Variants in DLG2 observed in about 807,000 individuals in gnomAD.
The protein encoded by DLG2 is disks large homolog 2.
Under a neutral mutation model 132.5 loss-of-function variants are expected in DLG2, and 45 were observed. That is an observed-to-expected ratio of 0.34 (90% confidence interval 0.27 to 0.44). The LOEUF is 0.44. Among genes scored for constraint, DLG2 ranks in the 20% least tolerant of loss-of-function variants. DLG2 has a pLI of 1.00. For missense variants in DLG2, 1,045 were observed against 1,196.9 expected, an observed-to-expected ratio of 0.87 and a Z score of 1.87; for synonymous variants, 424 against 419.6, an observed-to-expected ratio of 1.01 and a Z score of -0.13.
At chr11:84,815,525 T>C (rs1471136367) in intron 6 of DLG2, among the ~76,000 whole-genome samples, 4 of 151,988 alleles carry the variant, frequency 2.6e-5, no homozygotes. Flanking sequence ...AGTAGGTAAA[T>C]CAATATTATT....
chr11:85,465,416 T>A (rs2092755577), intron 3 of DLG2, among the ~76,000 whole-genome samples: 1 of 152,090 alleles, frequency 6.6e-6, no homozygotes, highest in South Asian at 2.1e-4. Flanking sequence ...TAACTCGTCA[T>A]TTAACATTAG....
At chr11:84,306,490 C>T (rs531959467) in intron 7 of DLG2, among the ~76,000 whole-genome samples, 27 of 152,138 alleles carry the variant, frequency 1.8e-4, no homozygotes, top group Non-Finnish European at 3.4e-4. Flanking sequence ...GCTAACAGAA[C>T]AAAGTGTAAT....
intron 6 of DLG2, chr11:84,640,614 A>AT (rs2099657914): frequency 4.0e-5 from 10 of 248,046 alleles, no homozygotes; most frequent in Admixed American, 1.5e-4. Flanking sequence ...ATGATTCCTA[A>AT]GACCTATTTG....
At chr11:84,238,138 G>A (rs1323818518) in intron 8 of DLG2, among the ~76,000 whole-genome samples, 1 of 151,572 alleles carries the variant, frequency 6.6e-6, no homozygotes, top group Non-Finnish European at 1.5e-5. Context: ...CAAGGTAGCT[G>A]TCTGATTTCA....
At chr11:83,787,322 TG>T (rs556178810) in intron 17 of DLG2, among the ~76,000 whole-genome samples, 2,924 of 94,918 alleles carry the variant, frequency 0.031, 683 homozygotes, top group African/African-American at 0.14. Context: ...GTTTTTTTTT[TG>T]TTTTTTTTTT....
chr11:85,146,307 C>T (rs567687921), intron 5 of DLG2, among the ~76,000 whole-genome samples: 1 of 151,598 alleles, frequency 6.6e-6, no homozygotes, highest in African/African-American at 2.4e-5. Context: ...CAAGCACTCC[C>T]AAAGCTATCA....
rs139160449 is a variant in DLG2, at chr11:84,304,339, A to C, written c.520-53048T>G. ...AGGAAACTAACCGCGATGTAAGGCA[A>C]TACTCTAATTTTGCAGGATCGCATG... On this transcript the variant is annotated intron_variant, in intron 7 of 27. Coordinates refer to ENST00000376104, the MANE Select transcript of DLG2 (RefSeq NM_001142699.3). 6.6e-3 allele frequency among the ~76,000 whole-genome samples: 1,011 copies of C among 152,330 alleles called. 12 individuals are homozygous for C. Among genetic ancestry groups the C allele is most frequent in the African/African-American group, 0.023 (968 of 41,568 alleles).
chr11:84,161,051 A>G (rs2154260544), intron 9 of DLG2, among the ~76,000 whole-genome samples: 1 of 152,324 alleles, frequency 6.6e-6, no homozygotes, highest in Non-Finnish European at 1.5e-5. Flanking sequence ...AGTTCACTTA[A>G]AATCAATGGT....
chr11:84,201,028 T>A (rs1208191886), intron 8 of DLG2, among the ~76,000 whole-genome samples: 2 of 152,192 alleles, frequency 1.3e-5, no homozygotes, highest in Non-Finnish European at 2.9e-5. Flanking sequence ...TGTGCCTGTT[T>A]TCAATAGGAA....
intron 4 of DLG2, among the ~76,000 whole-genome samples, chr11:85,162,245 G>A (rs141081075): frequency 2.0e-5 from 3 of 152,272 alleles, no homozygotes; most frequent in African/African-American, 7.2e-5. Context: ...ATCCATTAGG[G>A]CCTCTCTTAG....
intron 8 of DLG2, among the ~76,000 whole-genome samples, chr11:84,246,876 A>ATT (rs993452753): frequency 6.6e-6 from 1 of 151,354 alleles, no homozygotes; most frequent in Non-Finnish European, 1.5e-5. Flanking sequence ...ATTGCCGCTG[A>ATT]TTTTTTTTTG....
At chr11:85,430,452 A>G (rs1308743746) in intron 3 of DLG2, among the ~76,000 whole-genome samples, 3 of 152,208 alleles carry the variant, frequency 2.0e-5, no homozygotes, top group African/African-American at 4.8e-5. Flanking sequence ...TAATTATCCT[A>G]TAATAGCAGT....
intron 7 of DLG2, among the ~76,000 whole-genome samples, chr11:84,381,049 A>G (rs182318971): frequency 2.0e-5 from 3 of 152,118 alleles, no homozygotes; most frequent in Admixed American, 1.3e-4. Flanking sequence ...AGGGAGACAT[A>G]TCAAGATAGG....
rs2092355990 is a variant in DLG2 at position 85,454,530 on chromosome 11, G to A, written c.40+144127C>T. On this transcript the variant is annotated intron_variant, in intron 3 of 27. Transcript: ENST00000376104. ...TCTCGTGCTGTGCAAAAGCTGTTTA[G>A]TTTAATTAGATCCAATTTATCAATT... is the stretch of plus-strand genomic sequence containing the variant. Among the ~76,000 whole-genome samples the A allele has an allele frequency of 3.3e-5, 5 of 151,996 alleles. No homozygotes were observed. The South Asian group carries it at 1.0e-3, about 32-fold the overall frequency.
At chr11:85,047,936 T>C (rs2062509384) in intron 6 of DLG2, among the ~76,000 whole-genome samples, 1 of 151,878 alleles carries the variant, frequency 6.6e-6, no homozygotes, top group Non-Finnish European at 1.5e-5. Flanking sequence ...GAGTTTTACC[T>C]GTTATCTCCA....
intron 6 of DLG2, among the ~76,000 whole-genome samples, chr11:84,851,691 T>C (rs905931872): frequency 6.6e-6 from 1 of 152,010 alleles, no homozygotes; most frequent in Non-Finnish European, 1.5e-5. Flanking sequence ...AAAGTCTCAT[T>C]TGGTGTGAGT....
intron 6 of DLG2, among the ~76,000 whole-genome samples, chr11:84,957,441 A>G (rs1364981319): frequency 6.6e-6 from 1 of 152,202 alleles, no homozygotes. Flanking sequence ...GAACACTTTA[A>G]TGGTTCAGCC....
chr11:84,838,789 A>C (rs2080178474), intron 6 of DLG2, among the ~76,000 whole-genome samples: 1 of 152,100 alleles, frequency 6.6e-6, no homozygotes, highest in Non-Finnish European at 1.5e-5. Flanking sequence ...ACAAAATTCA[A>C]CAACGCTTCA....
At chr11:84,840,214 A>G (rs1354238121) in intron 6 of DLG2, among the ~76,000 whole-genome samples, 1 of 152,212 alleles carries the variant, frequency 6.6e-6, no homozygotes, top group Non-Finnish European at 1.5e-5. Context: ...GAAGACGTTT[A>G]TGCAGCCAAC....
Sources: allele counts gnomAD v4.1 joint callset (sites outside exome capture counted in the v4.1 genomes callset), GRCh38; gene constraint gnomAD v4.1.1; transcripts MANE v1.5; gene names NCBI Gene and HGNC (gene_info 2026-07-23, HGNC 2026-07-21).